The following IFT140 variants were observed in gnomAD, a reference collection of about 807,000 sequenced individuals.
IFT140 encodes the protein intraflagellar transport 140.
IFT140 carries 133 observed loss-of-function variants against 164.6 expected under a neutral mutation model. That is an observed-to-expected ratio of 0.81 (90% CI 0.70 to 0.93). The LOEUF (loss-of-function observed/expected upper bound fraction) is 0.93, where lower values mean the gene tolerates loss of function less well. Among genes scored for constraint, IFT140 ranks in the 40% least tolerant of loss-of-function variants. The pLI is 0.00. For synonymous variants in IFT140, 860 were observed against 817.3 expected, an observed-to-expected ratio of 1.05 and a Z score of -0.89; for missense variants, 2,045 against 1,972.3, an observed-to-expected ratio of 1.04 and a Z score of -0.70.
rs772125583 is a variant in IFT140 at position 1,587,190 on chromosome 16, A to C, written c.1009+8T>G. 8 of 1,565,864 alleles carry C rather than the reference A, an allele frequency of 5.1e-6. No homozygotes were observed. In the South Asian group the frequency reaches 7.8e-5, roughly 15 times the overall value. On this transcript the variant is annotated splice_region_variant and intron_variant, in intron 9 of 30. Coordinates refer to ENST00000426508, the MANE Select transcript of IFT140 (RefSeq NM_014714.4). The stretch of plus-strand genomic sequence containing the variant: ...CTGTTTCTCTTGTGCCAGGCCAGGA[A>C]GCCTCACCTTTGACTTTACAGTAAC...
In IFT140 at chr16:1,610,858, AAG is replaced by A. The variant is rs2036297732; in HGVS notation, c.-221-7_-221-6del. 1 of 153,294 alleles carries A rather than the reference AAG, an allele frequency of 6.5e-6. No homozygotes were observed. The highest frequency in any genetic ancestry group is 2.0e-4 in the South Asian group (1 of 4,880). 9.5% of individuals were successfully genotyped at this position (153,294 alleles called of 1,614,324 possible). ...CGGGGGCCAGGTTATTCCGCTCTGC[AAG>A]AGAGAAGCGGGACGAGCTTTTTCTA... On this transcript the variant is annotated splice_region_variant and splice_polypyrimidine_tract_variant and intron_variant, in intron 1 of 30. Transcript: ENST00000426508.
chr16:1,512,067 CA>C (rs1308317557), intron 30 of IFT140, among the ~76,000 whole-genome samples: 1 of 144,124 alleles, frequency 6.9e-6, no homozygotes, highest in Non-Finnish European at 1.5e-5. Context: ...TCGGAGAGGG[CA>C]ATCAAGTGGT....
intron 19 of IFT140, chr16:1,555,536 T>C (rs1057610): frequency 0.43 from 68,020 of 156,960 alleles, 16,249 homozygotes; most frequent in African/African-American, 0.64. Flanking sequence ...TGCTCGATTC[T>C]TTTCCTAAGT....
chr16:1,571,616 A>G (rs769079328), intron 13 of IFT140, 82 bp from the exon 14 acceptor site: 26 of 1,381,946 alleles, frequency 1.9e-5, no homozygotes, highest in Non-Finnish European at 2.3e-5. Flanking sequence ...CACACAAGAA[A>G]TGGATATATT....
chr16:1,586,189 T>C lies in IFT140; in HGVS notation c.1096A>G (p.Lys366Glu), dbSNP rs776044753. The C allele has an allele frequency of 1.2e-6, 2 of 1,614,138 alleles. No individual in the cohort carries two copies. The highest frequency in any genetic ancestry group is 3.3e-5 in the Admixed American group (2 of 60,028). ...DFLGSPGAEG[K>E]DRWALQTPTE... ...GGGGTCTGAAGGGCCCACCTGTCCT[T>C]GCCCTCTGCCCCGGGGCTGCCCAGG... Residue 366 changes from lysine to glutamate, a missense_variant, in exon 10 of 31, where the codon AAG becomes GAG. Lys to Glu is a moderately conservative substitution (Grantham distance 56). Transcript: ENST00000426508.
At chr16:1,574,646 A>G (rs2034186394) in intron 13 of IFT140, among the ~76,000 whole-genome samples, 1 of 151,848 alleles carries the variant, frequency 6.6e-6, no homozygotes, top group African/African-American at 2.4e-5. Context: ...GTACCCTGTC[A>G]CTCCTAGCTT....
chr16:1,520,318 C>A lies in IFT140; in HGVS notation c.3686G>T (p.Gly1229Val). 6.2e-7 allele frequency: 1 copy of A among 1,614,182 alleles called. No individual in the cohort carries two copies. Among genetic ancestry groups the A allele is most frequent in the Non-Finnish European group, 8.5e-7 (1 of 1,180,042 alleles). The change falls in exon 28 of 31, where the codon GGA becomes GTA. Residue 1229 changes from glycine (G) to valine (V), a missense_variant. By Grantham distance (109) the Gly-to-Val change is moderately radical (BLOSUM62 -3). Transcript: ENST00000426508. ...LKAMRALLKS[G>V]DTEKITFFAS... ...GAAGAACGTGATTTTCTCCGTGTCTCCGGATTTGAGCAGCGCCCTCATGGC... is the reference window on the plus strand; with the variant it reads ...GAAGAACGTGATTTTCTCCGTGTCTACGGATTTGAGCAGCGCCCTCATGGC...
rs558474661 is a variant in IFT140, at chr16:1,557,321, G to A, written c.2399+614C>T. 3.3e-5 allele frequency among the ~76,000 whole-genome samples: 5 copies of A among 152,324 alleles called. No homozygotes were observed. In the South Asian group the frequency reaches 6.2e-4, roughly 19 times the overall value. ...ATTGGCCATGCTGCTTCAGAAGGAC[G>A]ACAGCGGGCCGGGGTCCTGCACCCT... On this transcript the variant is annotated intron_variant, in intron 19 of 30. Coordinates refer to ENST00000426508, the MANE Select transcript of IFT140 (RefSeq NM_014714.4).
At position 1,533,127 on chromosome 16, in the gene IFT140, C is replaced by A. The variant is rs947879073; in HGVS notation, c.2400-6331G>T. On this transcript the variant is annotated intron_variant, in intron 19 of 30. Coordinates refer to ENST00000426508, the MANE Select transcript of IFT140 (RefSeq NM_014714.4). This position sits in a 1 kb window ranked among gnomAD's most constrained non-coding sequence, Gnocchi z 4.7. The stretch of plus-strand genomic sequence containing the variant: ...CCCCAAGGCCCTCCAAGTACAGGTC[C>A]CTGGCCCCGAGGTCCTCCAAGTACA... 1 of 152,626 alleles carries A rather than the reference C, an allele frequency of 6.6e-6. No homozygotes were observed. The highest frequency in any genetic ancestry group is 2.4e-5 in the African/African-American group (1 of 41,460). The allele number at this position is 152,626 out of a possible 1,614,324, so 9.5% of individuals were successfully genotyped here. A position where few individuals can be genotyped will look rare whatever the true frequency, so the allele number is the denominator to read the frequency against.
chr16:1,560,635 G>A (rs2033353588), intron 18 of IFT140, among the ~76,000 whole-genome samples: 1 of 152,220 alleles, frequency 6.6e-6, no homozygotes, highest in South Asian at 2.1e-4. Context: ...TGGCCATGCA[G>A]GGCTGCCTGT....
chr16:1,552,557 T>A (rs981651303), intron 19 of IFT140, among the ~76,000 whole-genome samples: 16 of 151,908 alleles, frequency 1.1e-4, no homozygotes, highest in African/African-American at 3.4e-4. Context: ...AACACAAGCA[T>A]CGATACCACA....
chr16:1,519,900 T>C lies in IFT140; in HGVS notation c.4021A>G (p.Arg1341Gly). ...QLQSRMALVK[R>G]FIQARRTYTE... ...GCACACCTGCGGGCCTGGATGAACC[T>C]CTTCACCAGTGCCATCCTGCTCTGC... The change falls in exon 29 of 31, where the codon AGG (arginine) becomes GGG (glycine). Residue 1341 changes from arginine to glycine, a missense_variant. Coordinates refer to ENST00000426508, the MANE Select transcript of IFT140 (RefSeq NM_014714.4). 1.9e-6 allele frequency: 3 copies of C among 1,564,874 alleles called. No homozygotes were observed. In the East Asian group the frequency reaches 6.8e-5, roughly 35 times the overall value.
At chr16:1,605,254 C>G (rs1418765099) in intron 3 of IFT140, among the ~76,000 whole-genome samples, 1 of 152,152 alleles carries the variant, frequency 6.6e-6, no homozygotes, top group African/African-American at 2.4e-5. Context: ...CAGAGGACTT[C>G]ACAGGAGTGT....
rs1017724546 is a variant in IFT140, at chr16:1,524,552, C to G, written c.3141G>C (p.Lys1047Asn). The G allele has an allele frequency of 1.2e-6, 2 of 1,611,928 alleles. No homozygotes were observed. The highest frequency in any genetic ancestry group is 1.7e-5 in the Admixed American group (1 of 59,800). ...QAFKNAIRLC[K>N]ENGLDDQLMN... ...GCTCCCCACCCCGGGCCCGTGGTACCTTGCACAGGCGGATGGCATTCTTGA... is the reference window on the plus strand; with the variant it reads ...GCTCCCCACCCCGGGCCCGTGGTACGTTGCACAGGCGGATGGCATTCTTGA... The change falls in exon 24 of 31, where the codon AAG (lysine) becomes AAC (asparagine). Residue 1047 changes from lysine (K) to asparagine (N), a missense_variant and splice_region_variant. By Grantham distance (94) the Lys-to-Asn change is moderately conservative. Transcript: ENST00000426508.
intron 19 of IFT140, among the ~76,000 whole-genome samples, chr16:1,556,311 C>T (rs2033075980): frequency 6.6e-6 from 1 of 152,206 alleles, no homozygotes; most frequent in Admixed American, 6.5e-5. Flanking sequence ...CATGCCCCCA[C>T]CCAGAACCCA....
chr16:1,560,800 C>T (rs918173213), intron 18 of IFT140, among the ~76,000 whole-genome samples: 1 of 152,232 alleles, frequency 6.6e-6, no homozygotes, highest in Non-Finnish European at 1.5e-5. Context: ...TAAGCCACTG[C>T]ATGTGGAAAT....
intron 7 of IFT140, 137 bp downstream of exon 7, chr16:1,589,468 G>A (rs927649917): frequency 5.4e-6 from 4 of 738,980 alleles, no homozygotes; most frequent in Non-Finnish European, 9.0e-6. Context: ...GACACCGCTA[G>A]CTACGTTAGC....
intron 16 of IFT140, among the ~76,000 whole-genome samples, chr16:1,565,130 G>A (rs998115669): frequency 2.0e-5 from 3 of 152,172 alleles, no homozygotes; most frequent in African/African-American, 7.2e-5. Context: ...GCCACACACG[G>A]CAGGCGCAGA....
chr16:1,566,018 C>T (rs2033692303), intron 16 of IFT140, 143 bp downstream of exon 16: 1 of 700,148 alleles, frequency 1.4e-6, no homozygotes, highest in Non-Finnish European at 2.4e-6. Flanking sequence ...CCAGAGTGTG[C>T]TTCTGTTTTC....
Sources: gnomAD v4.1 joint callset for allele counts (sites outside exome capture counted in the v4.1 genomes callset) on GRCh38, gnomAD v4.1.1 for gene constraint, Gnocchi (gnomAD v3.1) non-coding constraint, MANE v1.5 for transcripts, NCBI Gene and HGNC (gene_info 2026-07-23, HGNC 2026-07-21) for gene names.